MYOF: variants seen among roughly 807,000 people sequenced by gnomAD.
MYOF encodes myoferlin.
MYOF carries 244 observed loss-of-function variants against 284.2 expected under a neutral mutation model. The observed-to-expected ratio is 0.86, with a 90% CI of 0.77 to 0.95. The LOEUF (loss-of-function observed/expected upper bound fraction) is 0.95. MYOF is among the 40% of genes least tolerant of loss of function. The probability of loss-of-function intolerance (pLI) is 0.00; values close to 1 mark genes in which losing one functional copy is unlikely to be tolerated. For missense variants in MYOF, 2,496 were observed against 2,560.6 expected (o/e 0.97, Z 0.54); for synonymous variants, 904 against 919.7 (o/e 0.98, Z 0.31).
chr10:93,313,298 G>A, intron 50 of MYOF, 88 bp from the exon 51 acceptor site: 1 of 1,240,416 alleles, frequency 8.1e-7, no homozygotes, highest in Non-Finnish European at 1.1e-6. Flanking sequence ...TATCAGGAGA[G>A]AGGCACACAG....
At chr10:93,406,288 T>TTATATATATATA (rs3980375) in intron 7 of MYOF, among the ~76,000 whole-genome samples, 1,329 of 57,984 alleles carry the variant, frequency 0.023, 122 homozygotes, top group Non-Finnish European at 0.031. Context: ...TAAACCTCTT[T>TTATATATATATA]TATATATATA....
chr10:93,316,722 T>A lies in MYOF; in HGVS notation c.5690A>T (p.Asp1897Val). ...CCAAATGTAAGCCCTACCCAAGTAG[T>A]CATCCAGAGAAAACTTGTCATTGTC... ...IWDNDKFSLD[D>V]YLGFLELDLR... The change falls in exon 50 of 54, where the codon GAC becomes GTC. Residue 1897 changes from aspartate to valine, a missense_variant. Physicochemically the swap from Asp to Val is radical, Grantham distance 152. Transcript: ENST00000359263. 1 of 1,612,076 alleles carries A rather than the reference T, an allele frequency of 6.2e-7. No individual in the cohort carries two copies. Among genetic ancestry groups the A allele is most frequent in the Non-Finnish European group, 8.5e-7 (1 of 1,178,152 alleles).
At chr10:93,461,505 C>T (rs1034033450) in intron 1 of MYOF, among the ~76,000 whole-genome samples, 30 of 152,286 alleles carry the variant, frequency 2.0e-4, no homozygotes, top group African/African-American at 7.2e-4. Flanking sequence ...TGACTTCAGG[C>T]TGTGTGCACA....
chr10:93,441,504 T>A (rs1266333482), intron 3 of MYOF, among the ~76,000 whole-genome samples: 1 of 151,314 alleles, frequency 6.6e-6, no homozygotes, highest in African/African-American at 2.4e-5. Context: ...CCTGCCTCAG[T>A]CTCTGGAGTA....
Position 93,416,598 on chromosome 10 carries a change from C to CTT in MYOF, c.434-6861_434-6860dup, listed in dbSNP as rs374329657. On this transcript the variant is annotated intron_variant, in intron 5 of 53. Transcript: ENST00000359263. ...TATATGAACCCTGGCTTTGATCAGG[C>CTT]TTTTTTTTTTTTTTTTTGAGACAGA... Among the ~76,000 whole-genome samples the CTT allele has an allele frequency of 5.8e-5, 7 of 119,794 alleles. No homozygotes were observed. The East Asian group carries it at 8.7e-4, about 15-fold the overall frequency. 78.6% of individuals were successfully genotyped at this position (119,794 alleles called of 152,430 possible).
At chr10:93,341,600 T>C (rs1390949011) in intron 38 of MYOF, among the ~76,000 whole-genome samples, 4 of 152,212 alleles carry the variant, frequency 2.6e-5, no homozygotes, top group Non-Finnish European at 1.5e-5. Flanking sequence ...TTAAGACAAG[T>C]TGCTGATTTT....
At chr10:93,469,799 T>C (rs1447386456) in intron 1 of MYOF, among the ~76,000 whole-genome samples, 1 of 152,202 alleles carries the variant, frequency 6.6e-6, no homozygotes, top group Non-Finnish European at 1.5e-5. Flanking sequence ...CGGTAAGCAT[T>C]AGTGTTCCAG....
chr10:93,341,792 G>T, intron 38 of MYOF: 2 of 549,010 alleles, frequency 3.6e-6, no homozygotes, highest in Non-Finnish European at 5.6e-6. Context: ...AATCACGTTT[G>T]TTTAAAGATC....
chr10:93,422,032 A>AT (rs11371240), intron 5 of MYOF, among the ~76,000 whole-genome samples: 151,586 of 152,230 alleles, frequency 1, 75,476 homozygotes, highest in East Asian at 1. Flanking sequence ...GCAAACATTC[A>AT]TTTATAGAAC....
intron 22 of MYOF, among the ~76,000 whole-genome samples, chr10:93,375,409 G>T (rs1845791912): frequency 6.6e-6 from 1 of 152,216 alleles, no homozygotes; most frequent in Non-Finnish European, 1.5e-5. Context: ...CTATGGGTGG[G>T]TCTCGAAGGT....
chr10:93,338,047 G>GT, intron 39 of MYOF, 134 bp from the exon 40 acceptor site: 1 of 658,388 alleles, frequency 1.5e-6, no homozygotes, highest in Non-Finnish European at 2.6e-6. Context: ...TATGACTTTT[G>GT]TTTACATGCA....
rs201716052 is a variant in MYOF at position 93,434,441 on chromosome 10, A to AC, written c.237-2926_237-2925insG. Among the ~76,000 whole-genome samples, 52 of 151,920 alleles carry AC rather than the reference A, an allele frequency of 3.4e-4. 1 individual carries two copies. The East Asian group carries it at 8.9e-3, about 26-fold the overall frequency. The stretch of plus-strand genomic sequence containing the variant: ...GCAAGACCCTGTCTCAAAAAAAAAA[A>AC]AAAAAACAAAAAAGAATCTGTAGTT... On this transcript the variant is annotated intron_variant, in intron 3 of 53. Transcript: ENST00000359263.
intron 21 of MYOF, 62 bp downstream of exon 21, chr10:93,379,801 C>T: frequency 1.3e-6 from 2 of 1,597,074 alleles, no homozygotes; most frequent in South Asian, 1.1e-5. Flanking sequence ...GGCCTGGCCT[C>T]CATCCTAATA....
rs748584980 is a variant in MYOF at position 93,404,049 on chromosome 10, C to T, written c.817G>A (p.Ala273Thr). 198 of 1,613,988 alleles carry T rather than the reference C, an allele frequency of 1.2e-4. No homozygotes were observed. The highest frequency in any genetic ancestry group is 4.7e-4 in the East Asian group (21 of 44,882). Reference protein sequence around the residue: ...IRVYNSHSLRADCLMGEFKID... With the variant: ...IRVYNSHSLRTDCLMGEFKID... ...TTAAATTCCCCCATCAGACAATCTG[C>T]CCGCAGAGAGTGAGAATTATAAACC... Residue 273 changes from alanine to threonine, a missense_variant, in exon 9 of 54, where the codon GCA (alanine) becomes ACA (threonine). Around this residue, in one of 3 missense-constraint regions of MYOF, gnomAD observed 2,436 missense variants for 2,480.7 expected, o/e 0.98. Transcript: ENST00000359263.
At chr10:93,389,282 G>T (rs1846557174) in intron 17 of MYOF, 128 bp from the exon 18 acceptor site, 3 of 1,039,356 alleles carry the variant, frequency 2.9e-6, no homozygotes, top group Non-Finnish European at 4.0e-6. Flanking sequence ...ATTAATGCAA[G>T]TTGTAAGCAC....
chr10:93,312,334 CCT>C (rs199513677), intron 51 of MYOF, among the ~76,000 whole-genome samples: 4,894 of 117,832 alleles, frequency 0.042, 117 homozygotes, highest in Middle Eastern at 0.18. Context: ...GCTTCTTCCA[CCT>C]CTCTTTTTTT....
rs1844295950 is a variant in MYOF at position 93,347,761 on chromosome 10, A to G, written c.4105T>C (p.Tyr1369His). 1.2e-6 allele frequency: 2 copies of G among 1,612,820 alleles called. No individual in the cohort carries two copies. The highest frequency in any genetic ancestry group is 2.7e-5 in the African/African-American group (2 of 74,878). The change falls in exon 37 of 54, where the codon TAC becomes CAC. Residue 1369 changes from tyrosine to histidine, a missense_variant. Coordinates refer to ENST00000359263, the MANE Select transcript of MYOF (RefSeq NM_013451.4). The part of the protein sequence containing the change: ...MKVFLPKEEL[Y>H]MPPLVIKVID... ...ACCTTGATCACCAGTGGGGGCATGTACAATTCCTCCTTGGGCAAGAACTGG... is the reference window on the plus strand; with the variant it reads ...ACCTTGATCACCAGTGGGGGCATGTGCAATTCCTCCTTGGGCAAGAACTGG...
intron 1 of MYOF, among the ~76,000 whole-genome samples, chr10:93,460,132 G>C (rs531393345): frequency 1.0e-3 from 156 of 152,302 alleles, no homozygotes; most frequent in African/African-American, 3.6e-3. Flanking sequence ...CAGTCTCCAA[G>C]TCCCCAAGAC....
At chr10:93,333,689 T>G (rs1242233878) in intron 42 of MYOF, 69 bp downstream of exon 42, 2 of 1,569,128 alleles carry the variant, frequency 1.3e-6, no homozygotes, top group African/African-American at 2.7e-5. Flanking sequence ...AGAAAGAACA[T>G]GACAATTATT....
Sources: allele counts gnomAD v4.1 joint callset (sites outside exome capture counted in the v4.1 genomes callset), GRCh38; gene constraint gnomAD v4.1.1; regional missense constraint gnomAD v4.1.1; transcripts MANE v1.5; gene names NCBI Gene and HGNC (gene_info 2026-07-23, HGNC 2026-07-21).